The following LEPROT variants were observed in gnomAD, a reference collection of about 807,000 sequenced individuals.
LEPROT encodes leptin receptor overlapping transcript, also known as leptin receptor gene-related protein.
A neutral mutation model predicts 15.4 loss-of-function variants in LEPROT; 3 were observed. That is an observed-to-expected ratio of 0.19 (90% CI 0.09 to 0.50). The LOEUF (loss-of-function observed/expected upper bound fraction) is 0.50. Among genes scored for constraint, LEPROT ranks in the 20% least tolerant of loss-of-function variants. The pLI is 0.97. For synonymous variants in LEPROT, 59 were observed against 57.5 expected (o/e 1.03, Z -0.12); for missense variants, 137 against 162.2 (o/e 0.84, Z 0.84).
chr1:65,429,868 C>T lies in LEPROT; in HGVS notation c.99C>T (p.Tyr33=), dbSNP rs767253240. The T allele has an allele frequency of 6.7e-7, 1 of 1,482,874 alleles. No homozygotes were observed. The highest frequency in any genetic ancestry group is 9.1e-7 in the Non-Finnish European group (1 of 1,098,668). The allele number at this position is 1,482,874 out of a possible 1,614,324, so 91.9% of individuals were successfully genotyped here. ...GCCTGGGTCCAACTGACAGCGTTTA[C>T]TGGCCCTTATTCGTCCTGATTTTCC... ...LGCALEDYGV[Y]WPLFVLIFHA... Residue 33 remains tyrosine, a synonymous_variant, in exon 3 of 4, where the codon TAC becomes TAT. Transcript: ENST00000371065.
chr1:65,424,120 G>C (rs951728625), intron 1 of LEPROT, among the ~76,000 whole-genome samples: 3 of 152,114 alleles, frequency 2.0e-5, no homozygotes, highest in Non-Finnish European at 2.9e-5. Flanking sequence ...TCAAGATTTT[G>C]TAACAACCTT....
intron 1 of LEPROT, among the ~76,000 whole-genome samples, chr1:65,423,610 A>T (rs1463854265): frequency 6.6e-6 from 1 of 152,186 alleles, no homozygotes; most frequent in Non-Finnish European, 1.5e-5. Context: ...TCCATTAAAG[A>T]GTGGAAATGT....
intron 2 of LEPROT, among the ~76,000 whole-genome samples, chr1:65,426,781 G>A (rs12094974): frequency 0.076 from 11,471 of 151,898 alleles, 527 homozygotes; most frequent in African/African-American, 0.12. Context: ...GGCAGATCAC[G>A]AGGTCAAGAG....
chr1:65,425,931 A>G (rs983286176), intron 2 of LEPROT, among the ~76,000 whole-genome samples: 1 of 152,146 alleles, frequency 6.6e-6, no homozygotes, highest in Non-Finnish European at 1.5e-5. Context: ...AATGCTTCCC[A>G]TGTGCCAGCT....
Position 65,435,623 on chromosome 1 carries a change from T to C in LEPROT, c.*3704T>C. On this transcript the variant is annotated 3_prime_UTR_variant, in exon 4 of 4. Transcript: ENST00000371065. ...ACCTCATGATCCGCCCGCCTCTGCC[T>C]CCCAAAGTGCTGGGATTACAGGCCT... 1.1e-6 allele frequency: 1 copy of C among 912,532 alleles called. No individual in the cohort carries two copies. Among genetic ancestry groups the C allele is most frequent in the Non-Finnish European group, 1.3e-6 (1 of 763,706 alleles). 56.5% of individuals were successfully genotyped at this position (912,532 alleles called of 1,614,324 possible). A position where few individuals can be genotyped will look rare whatever the true frequency, so the allele number is the denominator to read the frequency against.
chr1:65,428,646 G>C (rs922365557), intron 2 of LEPROT, among the ~76,000 whole-genome samples: 3 of 152,114 alleles, frequency 2.0e-5, no homozygotes, highest in Non-Finnish European at 4.4e-5. Flanking sequence ...CCTGCTTGTA[G>C]GTGCTGTCTG....
chr1:65,434,329 A>T lies in LEPROT; in HGVS notation c.*2410A>T. ...TTTCCTTATAAAAGGCTCTTTTTTT[A>T]TATATTGTACAATATATTTGGAGAT... On this transcript the variant is annotated 3_prime_UTR_variant, in exon 4 of 4. Coordinates refer to ENST00000371065, the MANE Select transcript of LEPROT (RefSeq NM_017526.5). The T allele has an allele frequency of 1.0e-6, 1 of 985,004 alleles. No homozygotes were observed. The highest frequency in any genetic ancestry group is 4.7e-5 in the South Asian group (1 of 21,288). The allele number at this position is 985,004 out of a possible 1,614,324, so 61.0% of individuals were successfully genotyped here. A position where few individuals can be genotyped will look rare whatever the true frequency, so the allele number is the denominator to read the frequency against.
chr1:65,425,044 T>C (rs1319372622), intron 1 of LEPROT, among the ~76,000 whole-genome samples: 1 of 152,226 alleles, frequency 6.6e-6, no homozygotes, highest in African/African-American at 2.4e-5. Context: ...TTTTTTTCTT[T>C]CTTTTTTATT....
At chr1:65,427,665 A>T in intron 2 of LEPROT, 2 of 169,828 alleles carry the variant, frequency 1.2e-5, no homozygotes, top group South Asian at 2.4e-4. Context: ...ACCAACTGTA[A>T]ATCTAGGAGT....
intron 2 of LEPROT, among the ~76,000 whole-genome samples, chr1:65,427,438 C>G (rs1263631739): frequency 6.6e-6 from 1 of 152,044 alleles, no homozygotes; most frequent in East Asian, 1.9e-4. Flanking sequence ...AGGCATGGTG[C>G]CTGTAGCAGG....
rs1646509416 is a variant in LEPROT, at chr1:65,433,049, G to T, written c.*1130G>T. 1.0e-6 allele frequency: 1 copy of T among 985,440 alleles called. No homozygotes were observed. The highest frequency in any genetic ancestry group is 5.2e-4 in the Middle Eastern group (1 of 1,914). 61.0% of individuals were successfully genotyped at this position (985,440 alleles called of 1,614,324 possible). On this transcript the variant is annotated 3_prime_UTR_variant, in exon 4 of 4. Transcript: ENST00000371065. ...GCTGGGGGAAGAGCTCCACTGAGAT[G>T]CGGGCAGGGAGGCTGGGCTCGAGCC...
intron 3 of LEPROT, among the ~76,000 whole-genome samples, chr1:65,431,185 C>A (rs6660481): frequency 0.095 from 14,509 of 152,020 alleles, 782 homozygotes; most frequent in African/African-American, 0.12. Flanking sequence ...CCTTCTTAAG[C>A]GCTGCAGTAA....
intron 1 of LEPROT, among the ~76,000 whole-genome samples, chr1:65,422,244 T>C (rs1469606147): frequency 6.6e-6 from 1 of 152,142 alleles, no homozygotes; most frequent in South Asian, 2.1e-4. Flanking sequence ...GAGGGGAATT[T>C]AGACATAGAG....
chr1:65,421,407 C>T (rs764310438), intron 1 of LEPROT: 19 of 1,535,952 alleles, frequency 1.2e-5, no homozygotes, highest in Middle Eastern at 3.3e-4. Context: ...ATCTGTATGG[C>T]TTCAGAGCAA....
intron 2 of LEPROT, chr1:65,427,940 A>G (rs542583851): frequency 4.1e-4 from 69 of 166,292 alleles, no homozygotes; most frequent in African/African-American, 1.6e-3. Context: ...TATCATCTAT[A>G]TTGGAAGTCA....
chr1:65,434,902 C>G lies in LEPROT; in HGVS notation c.*2983C>G. ...GTGGTGCTGAGAAGAAAGCAGATCA[C>G]ACTTCATCACAGAAAGAATGCCTTG... On this transcript the variant is annotated 3_prime_UTR_variant, in exon 4 of 4. Transcript: ENST00000371065. The G allele has an allele frequency of 1.0e-6, 1 of 985,478 alleles. No homozygotes were observed. Among genetic ancestry groups the G allele is most frequent in the Non-Finnish European group, 1.2e-6 (1 of 829,946 alleles). 61.0% of individuals were successfully genotyped at this position (985,478 alleles called of 1,614,324 possible). A position where few individuals can be genotyped will look rare whatever the true frequency, so the allele number is the denominator to read the frequency against.
chr1:65,426,060 A>G (rs538049693), intron 2 of LEPROT, among the ~76,000 whole-genome samples: 2 of 142,378 alleles, frequency 1.4e-5, no homozygotes, highest in South Asian at 4.2e-4. Flanking sequence ...TGTCAGAGGT[A>G]GAAATGGTAC....
rs1305234308 is a variant in LEPROT, at chr1:65,425,353, C to T, written c.67C>T (p.Leu23=). 2 of 1,605,812 alleles carry T rather than the reference C, an allele frequency of 1.2e-6. No individual in the cohort carries two copies. The highest frequency in any genetic ancestry group is 1.8e-5 in the Admixed American group (1 of 57,002). Residue 23 remains leucine (L), a synonymous_variant, in exon 2 of 4, where the codon CTG becomes TTG. Transcript: ENST00000371065. The part of the protein sequence containing the change: ...SGAIGLTFLM[L]GCALEDYGVY... Reference sequence around the variant, plus strand: ...GGCTATTGGACTGACTTTTCTTATGCTGGGATGTGCCTTAGAGGATTATGG... The same window carrying T: ...GGCTATTGGACTGACTTTTCTTATGTTGGGATGTGCCTTAGAGGATTATGG...
At chr1:65,421,517 T>C (rs1187742328) in intron 1 of LEPROT, 2 of 1,530,838 alleles carry the variant, frequency 1.3e-6, no homozygotes, top group East Asian at 2.4e-5. Context: ...TGTTTTTATA[T>C]TGGCTTTTAT....
Sources: gnomAD v4.1 joint callset for allele counts (sites outside exome capture counted in the v4.1 genomes callset) on GRCh38, gnomAD v4.1.1 for gene constraint, MANE v1.5 for transcripts, NCBI Gene and HGNC (gene_info 2026-07-23, HGNC 2026-07-21) for gene names.